MEGF11: variants seen among roughly 807,000 people sequenced by gnomAD.
The protein encoded by MEGF11 is multiple EGF like domains 11.
MEGF11 carries 126 observed loss-of-function variants against 146.6 expected under a neutral mutation model. The observed-to-expected ratio is 0.86, with a 90% CI of 0.74 to 1.00. The LOEUF (loss-of-function observed/expected upper bound fraction) is 1.00, where lower values mean the gene tolerates loss of function less well. Among genes scored for constraint, MEGF11 ranks in the 50% least tolerant of loss-of-function variants. The probability of loss-of-function intolerance (pLI) is 0.00; values close to 1 mark genes in which losing one functional copy is unlikely to be tolerated. For missense variants in MEGF11, 1,509 were observed against 1,521.2 expected (o/e 0.99, Z 0.13); for synonymous variants, 532 against 583.4 (o/e 0.91, Z 1.27).
chr15:66,161,461 C>T (rs1057260061), intron 1 of MEGF11, among the ~76,000 whole-genome samples: 8 of 152,264 alleles, frequency 5.3e-5, no homozygotes, highest in African/African-American at 1.9e-4. Flanking sequence ...TCTCAGCTCA[C>T]TGCAGCCTCA....
At chr15:66,037,514 G>T (rs766420810) in intron 5 of MEGF11, among the ~76,000 whole-genome samples, 1 of 152,198 alleles carries the variant, frequency 6.6e-6, no homozygotes, top group Non-Finnish European at 1.5e-5. Context: ...ATCATGTGTA[G>T]GTCCATAGAG....
At chr15:66,115,162 G>A (rs1049421773) in intron 4 of MEGF11, among the ~76,000 whole-genome samples, 2 of 152,236 alleles carry the variant, frequency 1.3e-5, no homozygotes, top group African/African-American at 2.4e-5. Context: ...CACAGGTGAT[G>A]TTCTTGTGCA....
At chr15:66,004,692 G>A (rs936859736) in intron 5 of MEGF11, among the ~76,000 whole-genome samples, 3 of 152,048 alleles carry the variant, frequency 2.0e-5, no homozygotes, top group Non-Finnish European at 2.9e-5. Context: ...ACTGCAAAAG[G>A]TATTCAAGCA....
intron 5 of MEGF11, among the ~76,000 whole-genome samples, chr15:66,048,216 G>C (rs184002753): frequency 5.2e-4 from 79 of 152,326 alleles, no homozygotes; most frequent in African/African-American, 1.8e-3. Flanking sequence ...AAAGTGCTGG[G>C]ATTACAGGCA....
intron 10 of MEGF11, among the ~76,000 whole-genome samples, chr15:65,948,752 G>A (rs1183304671): frequency 6.6e-6 from 1 of 152,196 alleles, no homozygotes; most frequent in Non-Finnish European, 1.5e-5. Context: ...ATGAAAAAAT[G>A]AGGCTTGAGA....
At chr15:66,155,313 G>T (rs186138317) in intron 1 of MEGF11, among the ~76,000 whole-genome samples, 2 of 152,280 alleles carry the variant, frequency 1.3e-5, no homozygotes, top group Admixed American at 1.3e-4. Flanking sequence ...GAGAGCCCTC[G>T]GCTGTAGAAT....
intron 5 of MEGF11, among the ~76,000 whole-genome samples, chr15:65,984,763 T>C (rs189514218): frequency 1.1e-4 from 17 of 151,490 alleles, no homozygotes; most frequent in South Asian, 2.1e-4. Flanking sequence ...ATTTTACTTA[T>C]TTATTTATTT....
intron 10 of MEGF11, 101 bp downstream of exon 10, chr15:65,957,445 GA>G (rs1420749217): frequency 9.2e-5 from 105 of 1,138,634 alleles, no homozygotes; most frequent in Admixed American, 4.0e-4. Flanking sequence ...CGGACACAAG[GA>G]GGCAGCTGGG....
At chr15:66,054,052 C>A (rs144884262) in intron 5 of MEGF11, among the ~76,000 whole-genome samples, 101 of 152,186 alleles carry the variant, frequency 6.6e-4, no homozygotes, top group African/African-American at 2.4e-3. Flanking sequence ...CCACTGGAGG[C>A]CTTAGCCTTT....
rs184214522 is a variant in MEGF11 at position 65,934,746 on chromosome 15, C to T, written c.1288-3803G>A. On this transcript the variant is annotated intron_variant, in intron 10 of 25. Transcript: ENST00000395614. The stretch of plus-strand genomic sequence containing the variant: ...AATGTAATCAATGATTCCCATGTAA[C>T]GAAGTCTCCATAAAAACCCCAAAGG... 1.1e-3 allele frequency among the ~76,000 whole-genome samples: 160 copies of T among 152,226 alleles called. 2 individuals are homozygous for T. The highest frequency in any genetic ancestry group is 5.6e-4 in the Non-Finnish European group (38 of 68,008).
chr15:65,950,037 C>A (rs571698545), intron 10 of MEGF11, among the ~76,000 whole-genome samples: 18 of 152,286 alleles, frequency 1.2e-4, no homozygotes, highest in Non-Finnish European at 1.5e-4. Context: ...CTTTCTCTCA[C>A]CCCCATTTCC....
At chr15:66,199,603 G>A (rs979540910) in intron 1 of MEGF11, among the ~76,000 whole-genome samples, 1 of 152,112 alleles carries the variant, frequency 6.6e-6, no homozygotes, top group Admixed American at 6.6e-5. Flanking sequence ...TAATTGTGTA[G>A]TTAAGGCACA....
intron 5 of MEGF11, among the ~76,000 whole-genome samples, chr15:66,037,905 T>C (rs915798608): frequency 1.3e-5 from 2 of 152,234 alleles, no homozygotes; most frequent in Non-Finnish European, 2.9e-5. Context: ...GGAGGCACCC[T>C]CAACCCTGAC....
At chr15:66,028,071 C>T (rs911454114) in intron 5 of MEGF11, among the ~76,000 whole-genome samples, 1 of 152,214 alleles carries the variant, frequency 6.6e-6, no homozygotes, top group Non-Finnish European at 1.5e-5. Flanking sequence ...CCCAGAGTCC[C>T]CTGTCTCAGC....
chr15:65,932,297 G>C (rs1232873978), intron 10 of MEGF11, among the ~76,000 whole-genome samples: 1 of 152,150 alleles, frequency 6.6e-6, no homozygotes, highest in African/African-American at 2.4e-5. Context: ...CAGGTGAGTT[G>C]GCTAACTTGG....
chr15:65,954,729 G>A (rs142162001), intron 10 of MEGF11, among the ~76,000 whole-genome samples: 17 of 152,346 alleles, frequency 1.1e-4, no homozygotes, highest in Non-Finnish European at 2.2e-4. Flanking sequence ...AGGAAGAGAG[G>A]CAGTGGCCTG....
chr15:66,004,289 G>A (rs190052704), intron 5 of MEGF11, among the ~76,000 whole-genome samples: 42 of 152,116 alleles, frequency 2.8e-4, no homozygotes, highest in African/African-American at 9.4e-4. Context: ...GAGGTCTCTA[G>A]GAACTCTTCT....
chr15:66,206,363 C>A (rs2091299116), intron 1 of MEGF11, among the ~76,000 whole-genome samples: 1 of 152,032 alleles, frequency 6.6e-6, no homozygotes, highest in African/African-American at 2.4e-5. Context: ...GAAAGCAGGG[C>A]TGAAAGAGTG....
At chr15:66,253,471 C>G (rs1345450656) in intron 1 of MEGF11, 134 bp downstream of exon 1, 1 of 152,084 alleles carries the variant, frequency 6.6e-6, no homozygotes, top group African/African-American at 2.4e-5. Flanking sequence ...CGGCCGGGGT[C>G]CGCGGAGCTG....
Sources: allele counts gnomAD v4.1 joint callset (sites outside exome capture counted in the v4.1 genomes callset), GRCh38; gene constraint gnomAD v4.1.1; transcripts MANE v1.5; gene names NCBI Gene and HGNC (gene_info 2026-07-23, HGNC 2026-07-21).